EYS: variants seen among roughly 807,000 people sequenced by gnomAD.
EYS encodes the protein EGF-like photoreceptor maintenance factor, also known as protein eyes shut homolog.
In EYS, 250 loss-of-function variants were observed where a neutral mutation model predicts 282.1. The ratio of observed to expected loss-of-function variants is 0.89; its 90% CI spans 0.80 to 0.98. EYS has a LOEUF of 0.98. Ranked by LOEUF, EYS falls within the 50% of genes least tolerant of loss-of-function variation. The pLI is 0.00. For synonymous variants in EYS, 1,355 were observed against 1,282.9 expected (o/e 1.06, Z -1.20); for missense variants, 4,016 against 3,709.0 (o/e 1.08, Z -2.15).
intron 22 of EYS, among the ~76,000 whole-genome samples, chr6:64,760,819 G>T (rs1158207463): frequency 6.6e-6 from 1 of 152,150 alleles, no homozygotes; most frequent in East Asian, 1.9e-4. Context: ...ACCCTACAAA[G>T]TCAGAGGCTG....
intron 27 of EYS, among the ~76,000 whole-genome samples, chr6:64,437,806 A>G (rs1177799889): frequency 1.3e-5 from 2 of 150,586 alleles, no homozygotes; most frequent in African/African-American, 4.9e-5. Flanking sequence ...ATATATACAT[A>G]TTATATTACT....
chr6:63,854,247 A>G (rs560294968), intron 36 of EYS, among the ~76,000 whole-genome samples: 81 of 152,334 alleles, frequency 5.3e-4, no homozygotes, highest in African/African-American at 1.9e-3. Context: ...AACGTGGCAC[A>G]TATATACCAT....
intron 12 of EYS, among the ~76,000 whole-genome samples, chr6:65,131,552 C>A (rs566360020): frequency 1.3e-5 from 2 of 151,946 alleles, no homozygotes; most frequent in Admixed American, 6.6e-5. Flanking sequence ...AGATACAACA[C>A]GTCAGAATCT....
At chr6:65,102,172 T>C (rs1192619750) in intron 12 of EYS, among the ~76,000 whole-genome samples, 1 of 151,314 alleles carries the variant, frequency 6.6e-6, no homozygotes, top group African/African-American at 2.4e-5. Flanking sequence ...CTTAAGCAAA[T>C]AGCACTTGTA....
chr6:63,840,263 G>A (rs933644157), intron 36 of EYS, among the ~76,000 whole-genome samples: 7 of 148,488 alleles, frequency 4.7e-5, no homozygotes, highest in Non-Finnish European at 8.9e-5. Flanking sequence ...ACAGGGTTTC[G>A]CTGTGTTAGC....
chr6:63,722,789 T>C (rs1405386568), intron 42 of EYS, among the ~76,000 whole-genome samples: 1 of 152,234 alleles, frequency 6.6e-6, no homozygotes, highest in Non-Finnish European at 1.5e-5. Context: ...TCTTTCCTTC[T>C]ATTCTCCATT....
rs1223521102 is a variant in EYS, at chr6:64,298,436, T to A, written c.6191+8534A>T. 2.0e-5 allele frequency among the ~76,000 whole-genome samples: 3 copies of A among 152,150 alleles called. No homozygotes were observed. In the East Asian group the frequency reaches 5.8e-4, roughly 29 times the overall value. On this transcript the variant is annotated intron_variant, in intron 30 of 42. Transcript: ENST00000503581. Reference sequence around the variant, plus strand: ...CAATCAAAAGGAGTGGGAACAGAGCTGTTAAAGGAGTAGAGTTTTTCTTGT... The same window carrying A: ...CAATCAAAAGGAGTGGGAACAGAGCAGTTAAAGGAGTAGAGTTTTTCTTGT...
chr6:65,031,973 A>G (rs917766130), intron 13 of EYS, among the ~76,000 whole-genome samples: 1 of 152,124 alleles, frequency 6.6e-6, no homozygotes, highest in African/African-American at 2.4e-5. Flanking sequence ...TTCATAATAC[A>G]CTAATTAGAC....
chr6:65,026,122 T>G (rs1772400772), intron 13 of EYS, among the ~76,000 whole-genome samples: 1 of 152,208 alleles, frequency 6.6e-6, no homozygotes, highest in African/African-American at 2.4e-5. Flanking sequence ...TGAAAAAGAC[T>G]TCTTCAGTCG....
At chr6:64,485,421 A>C (rs769760304) in intron 26 of EYS, among the ~76,000 whole-genome samples, 3 of 151,614 alleles carry the variant, frequency 2.0e-5, no homozygotes, top group Non-Finnish European at 4.4e-5. Flanking sequence ...AAGTTTCCAT[A>C]GGCAGTATGT....
chr6:64,587,925 G>A (rs1354982894), intron 26 of EYS, among the ~76,000 whole-genome samples: 1 of 151,958 alleles, frequency 6.6e-6, no homozygotes, highest in Non-Finnish European at 1.5e-5. Context: ...TAATTTCATG[G>A]ATAAGGAATA....
chr6:64,350,602 G>T (rs557903330), intron 29 of EYS, among the ~76,000 whole-genome samples: 29 of 151,682 alleles, frequency 1.9e-4, no homozygotes, highest in Non-Finnish European at 3.1e-4. Flanking sequence ...CTCGTTATCT[G>T]TTTTGGAAGT....
intron 12 of EYS, among the ~76,000 whole-genome samples, chr6:65,123,828 C>T (rs1456548012): frequency 6.6e-6 from 1 of 151,628 alleles, no homozygotes; most frequent in Non-Finnish European, 1.5e-5. Flanking sequence ...CATATTTCGC[C>T]AAGAATTTCC....
chr6:64,327,052 G>C (rs1007010689), intron 29 of EYS, among the ~76,000 whole-genome samples: 4 of 152,260 alleles, frequency 2.6e-5, no homozygotes, highest in Non-Finnish European at 5.9e-5. Flanking sequence ...AGGGACGGAG[G>C]AGGTGTGTGA....
intron 2 of EYS, among the ~76,000 whole-genome samples, chr6:65,523,932 C>A (rs1020832978): frequency 2.0e-5 from 3 of 152,162 alleles, no homozygotes; most frequent in African/African-American, 7.2e-5. Context: ...AGTGAAATGG[C>A]ACGATCCCAG....
chr6:65,199,185 T>A (rs903890335), intron 12 of EYS, among the ~76,000 whole-genome samples: 1 of 152,142 alleles, frequency 6.6e-6, no homozygotes, highest in South Asian at 2.1e-4. Flanking sequence ...TTTATCAGAA[T>A]CCTCAGTTTT....
At position 64,838,579 on chromosome 6, in the gene EYS, G is replaced by T. The variant is rs112474075; in HGVS notation, c.2993-15757C>A. Reference sequence around the variant, plus strand: ...AGACTAAATGATATGTAACAATATGGCTATAATATAGTGAGTCTTCCTCTC... The same window carrying T: ...AGACTAAATGATATGTAACAATATGTCTATAATATAGTGAGTCTTCCTCTC... On this transcript the variant is annotated intron_variant, in intron 19 of 42. Coordinates refer to ENST00000503581, the MANE Select transcript of EYS (RefSeq NM_001142800.2). Among the ~76,000 whole-genome samples the T allele has an allele frequency of 7.8e-3, 1,165 of 149,870 alleles. 13 individuals carry two copies. Among genetic ancestry groups the T allele is most frequent in the African/African-American group, 0.027 (1,084 of 40,874 alleles).
chr6:63,987,446 C>T (rs914441928), intron 34 of EYS, among the ~76,000 whole-genome samples: 12 of 151,662 alleles, frequency 7.9e-5, no homozygotes, highest in African/African-American at 2.9e-4. Context: ...ATTTAAGTTG[C>T]TACTTGATTT....
At chr6:64,096,724 G>A (rs1465312849) in intron 31 of EYS, among the ~76,000 whole-genome samples, 1 of 152,156 alleles carries the variant, frequency 6.6e-6, no homozygotes, top group African/African-American at 2.4e-5. Context: ...GGTGTAGTTT[G>A]ATCGTCTGAA....
Sources: allele counts gnomAD v4.1 joint callset (sites outside exome capture counted in the v4.1 genomes callset), GRCh38; gene constraint gnomAD v4.1.1; transcripts MANE v1.5; gene names NCBI Gene and HGNC (gene_info 2026-07-23, HGNC 2026-07-21).